CPVL: variants seen among roughly 807,000 people sequenced by gnomAD.
CPVL encodes carboxypeptidase vitellogenic like, also known as probable serine carboxypeptidase CPVL.
CPVL carries 51 observed loss-of-function variants against 63.7 expected under a neutral mutation model. The observed-to-expected ratio is 0.80, with a 90% CI of 0.64 to 1.01. CPVL has a LOEUF of 1.01. Ranked by LOEUF, CPVL falls within the 50% of genes least tolerant of loss-of-function variation. CPVL has a pLI of 0.00. For missense variants in CPVL, 530 were observed against 573.1 expected (o/e 0.92, Z 0.77); for synonymous variants, 195 against 206.0 (o/e 0.95, Z 0.46).
chr7:29,097,021 T>C (rs374297178), intron 3 of CPVL, among the ~76,000 whole-genome samples: 1 of 141,272 alleles, frequency 7.1e-6, no homozygotes, highest in African/African-American at 2.7e-5. Flanking sequence ...AATGTGTCCA[T>C]AGGGACCAGG....
chr7:29,060,871 T>C (rs1222185205), intron 11 of CPVL, among the ~76,000 whole-genome samples: 1 of 152,216 alleles, frequency 6.6e-6, no homozygotes, highest in Non-Finnish European at 1.5e-5. Flanking sequence ...ACTTTAATGG[T>C]ACTAACGTTT....
intron 2 of CPVL, chr7:29,113,764 G>C (rs1202602570): frequency 6.6e-6 from 1 of 152,416 alleles, no homozygotes; most frequent in African/African-American, 2.4e-5. Flanking sequence ...CAACTAGAGT[G>C]AGTCAGAAGG....
At chr7:29,188,129 G>A (rs1308073897) in intron 1 of CPVL, among the ~76,000 whole-genome samples, 1 of 152,192 alleles carries the variant, frequency 6.6e-6, no homozygotes, top group African/African-American at 2.4e-5. Context: ...CTCCAGAAAA[G>A]CAGATGTGAG....
intron 12 of CPVL, among the ~76,000 whole-genome samples, chr7:29,014,017 C>T (rs1786130129): frequency 6.6e-6 from 1 of 152,224 alleles, no homozygotes; most frequent in Non-Finnish European, 1.5e-5. Context: ...TATACCCTTC[C>T]TTCCACAGGT....
At chr7:29,190,245 A>T in intron 1 of CPVL, among the ~76,000 whole-genome samples, 1 of 152,354 alleles carries the variant, frequency 6.6e-6, no homozygotes, top group Middle Eastern at 3.4e-3. Context: ...CAAAAGGACC[A>T]CTTTCAGGGT....
intron 1 of CPVL, among the ~76,000 whole-genome samples, chr7:29,136,324 T>G (rs983942714): frequency 1.3e-5 from 2 of 152,180 alleles, no homozygotes; most frequent in African/African-American, 4.8e-5. Context: ...AAAATAAAAC[T>G]GTACAAGACA....
At chr7:29,069,440 CAAAAAAAAAAAAA>C (rs34421309) in intron 9 of CPVL, among the ~76,000 whole-genome samples, 7 of 81,212 alleles carry the variant, frequency 8.6e-5, no homozygotes, top group Non-Finnish European at 1.8e-4. Context: ...GACTCCGTCT[CAAAAAAAAAAAAA>C]AAAAAAAGAA....
At chr7:29,195,398 C>T (rs1783560885), upstream of CPVL, 1 of 207,414 alleles carries the variant, frequency 4.8e-6, no homozygotes, top group Non-Finnish European at 9.5e-6. Context: ...ACACCCAAAT[C>T]CGGAGCAGAG....
At chr7:29,143,138 C>G (rs180728774) in intron 1 of CPVL, among the ~76,000 whole-genome samples, 8 of 152,192 alleles carry the variant, frequency 5.3e-5, no homozygotes, top group Non-Finnish European at 1.0e-4. Context: ...AAACTTTCTA[C>G]GATGAAATTT....
chr7:29,191,439 G>A (rs536816807), intron 1 of CPVL: 40 of 152,322 alleles, frequency 2.6e-4, no homozygotes, highest in African/African-American at 8.9e-4. Flanking sequence ...ATGGGAAGCA[G>A]GAAGGAATGG....
chr7:29,114,690 C>G (rs1373059787), intron 2 of CPVL, among the ~76,000 whole-genome samples: 3 of 152,076 alleles, frequency 2.0e-5, no homozygotes, highest in Admixed American at 2.0e-4. Flanking sequence ...CTAGACCACA[C>G]AGTTCCTTTG....
At chr7:29,090,908 G>C (rs1314054442) in intron 6 of CPVL, among the ~76,000 whole-genome samples, 1 of 152,168 alleles carries the variant, frequency 6.6e-6, no homozygotes, top group African/African-American at 2.4e-5. Flanking sequence ...TTTTCAAAGG[G>C]AGAAAATGAA....
intron 2 of CPVL, among the ~76,000 whole-genome samples, chr7:29,117,471 T>A (rs376025307): frequency 4.2e-4 from 64 of 152,232 alleles, no homozygotes; most frequent in Middle Eastern, 3.2e-3. Context: ...TTTCGCTATT[T>A]ACGTAAATCT....
At chr7:29,191,425 T>C (rs1782878517) in intron 1 of CPVL, among the ~76,000 whole-genome samples, 1 of 152,026 alleles carries the variant, frequency 6.6e-6, no homozygotes, top group Admixed American at 6.6e-5. Context: ...TTTTGGTATG[T>C]AGGATGGGAA....
At chr7:29,145,854 G>T (rs1423143581) in intron 1 of CPVL, 1 of 152,094 alleles carries the variant, frequency 6.6e-6, no homozygotes, top group East Asian at 1.9e-4. Context: ...CACTTCACAG[G>T]GAGCTGCTTC....
exon 5 of CPVL, chr7:29,181,388 C>T (rs976103812): frequency 2.6e-5 from 4 of 152,078 alleles, no homozygotes; most frequent in Non-Finnish European, 4.4e-5. Flanking sequence ...ATGCCACTGA[C>T]GTGTTCAACT....
Position 29,103,248 on chromosome 7 carries a change from G to GTTT in CPVL, c.289-7034_289-7032dup, listed in dbSNP as rs71555783. ...TTTTAAGAAACATAATTGTTGTTTT[G>GTTT]TTTTTTTTTTTTTTTGAGATGGAGG... On this transcript the variant is annotated intron_variant, in intron 3 of 12. Transcript: ENST00000265394. 3.1e-3 allele frequency among the ~76,000 whole-genome samples: 297 copies of GTTT among 96,172 alleles called. 9 individuals are homozygous for GTTT. The highest frequency in any genetic ancestry group is 7.9e-3 in the African/African-American group (214 of 27,136). The allele number at this position is 96,172 out of a possible 152,430, so 63.1% of individuals were successfully genotyped here.
intron 12 of CPVL, among the ~76,000 whole-genome samples, chr7:28,999,749 A>C (rs1784431273): frequency 6.6e-6 from 1 of 152,256 alleles, no homozygotes; most frequent in Non-Finnish European, 1.5e-5. Flanking sequence ...TATTGCGGGA[A>C]GAGAAAGCTT....
At chr7:29,097,237 T>A (rs1344890000) in intron 3 of CPVL, among the ~76,000 whole-genome samples, 1 of 116,180 alleles carries the variant, frequency 8.6e-6, no homozygotes, top group Non-Finnish European at 1.6e-5. Context: ...TCACCTTCAA[T>A]GACAGAGACC....
Sources: gnomAD v4.1 joint callset for allele counts (sites outside exome capture counted in the v4.1 genomes callset) on GRCh38, gnomAD v4.1.1 for gene constraint, MANE v1.5 for transcripts, NCBI Gene and HGNC (gene_info 2026-07-23, HGNC 2026-07-21) for gene names.